Variants in HS6ST3 observed in about 807,000 individuals in gnomAD.
HS6ST3 encodes the protein heparan sulfate 6-O-sulfotransferase 3, also known as heparan-sulfate 6-O-sulfotransferase 3.
HS6ST3 carries 12 observed loss-of-function variants against 36.7 expected under a neutral mutation model. That is an observed-to-expected ratio of 0.33 (90% CI 0.21 to 0.53). The LOEUF is 0.53. Among genes scored for constraint, HS6ST3 ranks in the 20% least tolerant of loss-of-function variants. The pLI is 0.95. For synonymous variants in HS6ST3, 240 were observed against 257.5 expected (o/e 0.93, Z 0.65); for missense variants, 584 against 640.9 (o/e 0.91, Z 0.96).
chr13:96,536,256 C>T (rs1046404859), intron 1 of HS6ST3, among the ~76,000 whole-genome samples: 1 of 152,184 alleles, frequency 6.6e-6, no homozygotes, highest in African/African-American at 2.4e-5. Context: ...GAAGCTTTGG[C>T]AGAAATCGTT....
At chr13:96,267,969 C>T (rs2054700894) in intron 1 of HS6ST3, among the ~76,000 whole-genome samples, 1 of 151,876 alleles carries the variant, frequency 6.6e-6, no homozygotes, top group South Asian at 2.1e-4. Context: ...GCTGTGTGCT[C>T]ACAAGACCTC....
chr13:96,382,795 A>G (rs970410654), intron 1 of HS6ST3, among the ~76,000 whole-genome samples: 4 of 152,228 alleles, frequency 2.6e-5, no homozygotes, highest in African/African-American at 9.6e-5. Context: ...TATCAAAGTT[A>G]TGAAGAACTA....
chr13:96,523,161 C>A (rs1038230082), intron 1 of HS6ST3, among the ~76,000 whole-genome samples: 3 of 152,152 alleles, frequency 2.0e-5, no homozygotes, highest in Admixed American at 1.3e-4. Context: ...GTTGAAAATT[C>A]TTTTCTTTAA....
intron 1 of HS6ST3, among the ~76,000 whole-genome samples, chr13:96,346,265 A>G (rs1003259640): frequency 3.9e-5 from 6 of 152,158 alleles, no homozygotes; most frequent in African/African-American, 1.4e-4. Context: ...TTGTGATTGT[A>G]TTAAATATTA....
At chr13:96,779,579 G>A (rs1360784792) in intron 1 of HS6ST3, among the ~76,000 whole-genome samples, 2 of 151,874 alleles carry the variant, frequency 1.3e-5, no homozygotes, top group Non-Finnish European at 2.9e-5. Flanking sequence ...CAGGACATAC[G>A]TGCCAAGATG....
At chr13:96,316,271 G>A (rs1339064981) in intron 1 of HS6ST3, among the ~76,000 whole-genome samples, 13 of 112,514 alleles carry the variant, frequency 1.2e-4, no homozygotes, top group African/African-American at 3.8e-4. Flanking sequence ...GTGTGTGTGT[G>A]TGTGTGTGTG....
intron 1 of HS6ST3, among the ~76,000 whole-genome samples, chr13:96,422,804 G>A (rs543791285): frequency 3.9e-5 from 6 of 152,208 alleles, no homozygotes; most frequent in African/African-American, 1.2e-4. Flanking sequence ...ACTAGCCAAA[G>A]GCAATAATAA....
intron 1 of HS6ST3, among the ~76,000 whole-genome samples, chr13:96,106,038 T>A (rs1462887105): frequency 6.6e-6 from 1 of 152,258 alleles, no homozygotes; most frequent in Non-Finnish European, 1.5e-5. Context: ...GATATTGGAT[T>A]GGTTGTAGAG....
At chr13:96,628,818 T>C (rs1439962286) in intron 1 of HS6ST3, among the ~76,000 whole-genome samples, 1 of 151,986 alleles carries the variant, frequency 6.6e-6, no homozygotes, top group African/African-American at 2.4e-5. Context: ...GTTCAGAATG[T>C]GTGTGTGCAT....
At chr13:96,453,183 A>C (rs1057248957) in intron 1 of HS6ST3, among the ~76,000 whole-genome samples, 3 of 151,128 alleles carry the variant, frequency 2.0e-5, no homozygotes, top group Non-Finnish European at 4.4e-5. Flanking sequence ...CTCTTTTTAA[A>C]AAAAAAAAAA....
At chr13:96,405,178 C>A (rs891961535) in intron 1 of HS6ST3, among the ~76,000 whole-genome samples, 12 of 152,106 alleles carry the variant, frequency 7.9e-5, no homozygotes, top group Non-Finnish European at 1.6e-4. Context: ...CAGGGGATCA[C>A]CAGAGTAGCC....
intron 1 of HS6ST3, among the ~76,000 whole-genome samples, chr13:96,706,560 G>A (rs1875433119): frequency 6.6e-6 from 1 of 151,378 alleles, no homozygotes; most frequent in Non-Finnish European, 1.5e-5. Flanking sequence ...ATCTTCTGAA[G>A]ACCGTGGGTC....
chr13:96,394,641 T>C (rs2389666), intron 1 of HS6ST3, among the ~76,000 whole-genome samples: 48,246 of 152,120 alleles, frequency 0.32, 8,575 homozygotes, highest in Non-Finnish European at 0.41. Flanking sequence ...GTGCAGAACT[T>C]CAAGAAAGGC....
chr13:96,244,705 T>A (rs2389629), intron 1 of HS6ST3, among the ~76,000 whole-genome samples: 88,621 of 151,988 alleles, frequency 0.58, 26,034 homozygotes, highest in Admixed American at 0.67. Flanking sequence ...TTAAATTTAT[T>A]ACAGAAGAAA....
chr13:96,364,263 G>T (rs1057025760), intron 1 of HS6ST3, among the ~76,000 whole-genome samples: 2 of 152,116 alleles, frequency 1.3e-5, no homozygotes, highest in Non-Finnish European at 2.9e-5. Flanking sequence ...CATGTGATCT[G>T]GCAAATTCAG....
At chr13:96,553,937 C>CA (rs2056229639) in intron 1 of HS6ST3, among the ~76,000 whole-genome samples, 3 of 152,282 alleles carry the variant, frequency 2.0e-5, no homozygotes, top group African/African-American at 7.2e-5. Flanking sequence ...CCAGCTGACT[C>CA]AGAGACTATT....
chr13:96,554,854 A>AGCT (rs1299497667), intron 1 of HS6ST3, among the ~76,000 whole-genome samples: 2 of 151,838 alleles, frequency 1.3e-5, no homozygotes, highest in Non-Finnish European at 2.9e-5. Context: ...GGATCACTTG[A>AGCT]GCTCAGGAGT....
At chr13:96,447,876 T>A (rs1008997082) in intron 1 of HS6ST3, among the ~76,000 whole-genome samples, 19 of 152,290 alleles carry the variant, frequency 1.2e-4, no homozygotes, top group African/African-American at 4.3e-4. Context: ...CTCCCTTCTT[T>A]CTTGCCTGTT....
intron 1 of HS6ST3, among the ~76,000 whole-genome samples, chr13:96,664,440 A>G (rs185453907): frequency 7.4e-4 from 112 of 152,282 alleles, no homozygotes; most frequent in African/African-American, 2.5e-3. Context: ...GCAGCAGAAA[A>G]TACTATCCAA....
Sources: allele counts gnomAD v4.1 joint callset (sites outside exome capture counted in the v4.1 genomes callset), GRCh38; gene constraint gnomAD v4.1.1; transcripts MANE v1.5; gene names NCBI Gene and HGNC (gene_info 2026-07-23, HGNC 2026-07-21).